Variants in PDHA2 observed in about 807,000 individuals in gnomAD.
The protein encoded by PDHA2 is pyruvate dehydrogenase E1 component subunit alpha, testis-specific form, mitochondrial.
For missense variants in PDHA2, 533 were observed against 495.8 expected (o/e 1.07, Z -0.71); for synonymous variants, 188 against 185.9 (o/e 1.01, Z -0.09).
In PDHA2 at chr4:95,840,146, A is replaced by T; in HGVS notation, c.-5A>T. On this transcript the variant is annotated 5_prime_UTR_variant, in exon 1 of 1. The change creates a new upstream start codon in the 5' untranslated region. Transcript: ENST00000295266. ...CGCTGCCATCTACAGCACTCCGTGA[A>T]GAATATGCTGGCCGCCTTCATCTCC... The T allele has an allele frequency of 6.2e-7, 1 of 1,601,630 alleles. No homozygotes were observed. The highest frequency in any genetic ancestry group is 2.2e-5 in the East Asian group (1 of 44,834).
Position 95,840,247 on chromosome 4 carries a change from A to G in PDHA2, c.97A>G (p.Thr33Ala), listed in dbSNP as rs1307483378. ...ATCCCGTAACTCCTCAAATGACGCT[A>G]CATTTGAAATTAAGAAATGTGATCT... ...VASRNSSNDA[T>A]FEIKKCDLYL... is the part of the protein sequence containing the mutation. Residue 33 changes from threonine to alanine, a missense_variant, in exon 1 of 1, where the codon ACA (threonine) becomes GCA (alanine). Physicochemically the swap from Thr to Ala is moderately conservative, Grantham distance 58 (BLOSUM62 0). Transcript: ENST00000295266. 1 of 1,614,070 alleles carries G rather than the reference A, an allele frequency of 6.2e-7. No homozygotes were observed.
chr4:95,840,552 A>G lies in PDHA2; in HGVS notation c.402A>G (p.Ala134=). 1.2e-6 allele frequency: 2 copies of G among 1,614,180 alleles called. No individual in the cohort carries two copies. The highest frequency in any genetic ancestry group is 2.2e-5 in the South Asian group (2 of 91,080). Residue 134 remains alanine, a synonymous_variant, in exon 1 of 1, where the codon GCA becomes GCG. Transcript: ENST00000295266. ...TRGLSVRSIL[A]ELTGRRGGCA... ...GACTTTCTGTCCGATCCATTCTCGC[A>G]GAGCTGACGGGAAGAAGAGGAGGTT...
rs1031905282 is a variant in PDHA2, at chr4:95,840,867, TTAC to T, written c.721_723del (p.Tyr241del). On this transcript the variant is annotated inframe_deletion, in exon 1 of 1. Transcript: ENST00000295266. ...CTGAGAGAGCAGCAGCCAGCCCTGA[TTAC>T]TACAAGAGGGGCAATTTTATCCCTG... 6 of 1,613,926 alleles carry T rather than the reference TTAC, an allele frequency of 3.7e-6. No individual in the cohort carries two copies. The Admixed American group carries it at 1.0e-4, about 27-fold the overall frequency.
rs1723517147 is a variant in PDHA2 at position 95,841,416 on chromosome 4, T to G, written c.*99T>G. The G allele has an allele frequency of 1.1e-6, 1 of 901,108 alleles. No homozygotes were observed. Among genetic ancestry groups the G allele is most frequent in the Non-Finnish European group, 1.7e-6 (1 of 576,696 alleles). 55.8% of individuals were successfully genotyped at this position (901,108 alleles called of 1,614,324 possible). A position where few individuals can be genotyped will look rare whatever the true frequency, so the allele number is the denominator to read the frequency against. On this transcript the variant is annotated 3_prime_UTR_variant, in exon 1 of 1. Coordinates refer to ENST00000295266, the MANE Select transcript of PDHA2 (RefSeq NM_005390.5). ...TCAACTCAAGGAGGAATAAAACTCATAAAACAAAAGCCTTGTAAGCATTTA... is the reference window on the plus strand; with the variant it reads ...TCAACTCAAGGAGGAATAAAACTCAGAAAACAAAAGCCTTGTAAGCATTTA...
In PDHA2 at chr4:95,841,330, T is replaced by C. The variant is rs758977427; in HGVS notation, c.*13T>C. Reference sequence around the variant, plus strand: ...GTCCGTCAGTTAAAGGGAGGCTACGTGTGAATTTATCATCAGTCTCTCAAT... The same window carrying C: ...GTCCGTCAGTTAAAGGGAGGCTACGCGTGAATTTATCATCAGTCTCTCAAT... On this transcript the variant is annotated 3_prime_UTR_variant, in exon 1 of 1. Coordinates refer to ENST00000295266, the MANE Select transcript of PDHA2 (RefSeq NM_005390.5). 1 of 1,598,866 alleles carries C rather than the reference T, an allele frequency of 6.3e-7. No homozygotes were observed. The highest frequency in any genetic ancestry group is 2.2e-5 in the East Asian group (1 of 44,750).
chr4:95,840,839 C>T lies in PDHA2; in HGVS notation c.689C>T (p.Ser230Phe). 1.2e-6 allele frequency: 2 copies of T among 1,613,998 alleles called. No individual in the cohort carries two copies. Among genetic ancestry groups the T allele is most frequent in the South Asian group, 1.1e-5 (1 of 91,084 alleles). Residue 230 changes from serine (S) to phenylalanine (F), a missense_variant, in exon 1 of 1, where the codon TCT (serine) becomes TTT (phenylalanine). Transcript: ENST00000295266. The part of the protein sequence containing the change: ...CENNLYGMGT[S>F]TERAAASPDY... ...AATAACCTATATGGAATGGGAACAT[C>T]TACTGAGAGAGCAGCAGCCAGCCCT...
chr4:95,840,764 C>A lies in PDHA2; in HGVS notation c.614C>A (p.Ala205Asp). The change falls in exon 1 of 1, where the codon GCT (alanine) becomes GAT (aspartate). Residue 205 changes from alanine (A) to aspartate (D), a missense_variant. By Grantham distance (126) the Ala-to-Asp change is moderately radical. Transcript: ENST00000295266. ...GAANQGQIAE[A>D]FNMAALWKLP... Reference sequence around the variant, plus strand: ...GCGAATCAGGGGCAGATAGCCGAAGCTTTCAATATGGCAGCTTTATGGAAA... The same window carrying A: ...GCGAATCAGGGGCAGATAGCCGAAGATTTCAATATGGCAGCTTTATGGAAA... The A allele has an allele frequency of 6.2e-7, 1 of 1,614,152 alleles. No individual in the cohort carries two copies. The highest frequency in any genetic ancestry group is 8.5e-7 in the Non-Finnish European group (1 of 1,180,020).
At position 95,840,627 on chromosome 4, in the gene PDHA2, T is replaced by TGGGGGCA; in HGVS notation, c.478_484dup (p.Asn162ArgfsTer21). On this transcript the variant is annotated frameshift_variant, in exon 1 of 1. Transcript: ENST00000295266. LOFTEE classifies it low-confidence loss of function (END_TRUNC). ...TGCATATGTATACCAAGAACTTCTATGGGGGCAATGGCATCGTCGGTGCAC... is the reference window on the plus strand; with the variant it reads ...TGCATATGTATACCAAGAACTTCTATGGGGGCAGGGGGCAATGGCATCGTCGGTGCAC... The TGGGGGCA allele has an allele frequency of 6.2e-7, 1 of 1,614,170 alleles. No individual in the cohort carries two copies.
At position 95,840,595 on chromosome 4, in the gene PDHA2, G is replaced by C. The variant is rs1314078992; in HGVS notation, c.445G>C (p.Gly149Arg). 6.2e-7 allele frequency: 1 copy of C among 1,614,076 alleles called. No individual in the cohort carries two copies. Among genetic ancestry groups the C allele is most frequent in the African/African-American group, 1.3e-5 (1 of 74,926 alleles). ...AGGAGGTTGTGCTAAAGGAAAAGGA[G>C]GATCGATGCATATGTATACCAAGAA... ...RRGGCAKGKG[G>R]SMHMYTKNFY... Residue 149 changes from glycine to arginine, a missense_variant, in exon 1 of 1, where the codon GGA (glycine) becomes CGA (arginine). By Grantham distance (125) the Gly-to-Arg change is moderately radical. Transcript: ENST00000295266.
chr4:95,841,341 C>G lies in PDHA2; in HGVS notation c.*24C>G. 6.4e-7 allele frequency: 1 copy of G among 1,565,426 alleles called. No homozygotes were observed. Among genetic ancestry groups the G allele is most frequent in the South Asian group, 1.1e-5 (1 of 90,038 alleles). On this transcript the variant is annotated 3_prime_UTR_variant, in exon 1 of 1. Coordinates refer to ENST00000295266, the MANE Select transcript of PDHA2 (RefSeq NM_005390.5). ...AAAGGGAGGCTACGTGTGAATTTATCATCAGTCTCTCAATGGAATGTTCAT... is the reference window on the plus strand; with the variant it reads ...AAAGGGAGGCTACGTGTGAATTTATGATCAGTCTCTCAATGGAATGTTCAT...
rs1343787908 is a variant in PDHA2, at chr4:95,840,281, TG to T, written c.133del (p.Glu45LysfsTer21). 1 of 1,614,258 alleles carries T rather than the reference TG, an allele frequency of 6.2e-7. No homozygotes were observed. Among genetic ancestry groups the T allele is most frequent in the East Asian group, 2.2e-5 (1 of 44,870 alleles). Reference protein sequence around the residue: ...FEIKKCDLYLLEEGPPVTTVL... With the variant: ...FEIKKCDLYLXEEGPPVTTVL... Reference sequence around the variant, plus strand: ...ATTAAGAAATGTGATCTTTATCTGTTGGAAGAGGGTCCCCCTGTCACTACAG... The same window carrying T: ...ATTAAGAAATGTGATCTTTATCTGTTGAAGAGGGTCCCCCTGTCACTACAG... On this transcript the variant is annotated frameshift_variant, in exon 1 of 1. Coordinates refer to ENST00000295266, the MANE Select transcript of PDHA2 (RefSeq NM_005390.5). LOFTEE classifies it low-confidence loss of function (END_TRUNC).
At position 95,841,290 on chromosome 4, in the gene PDHA2, A is replaced by C; in HGVS notation, c.1140A>C (p.Pro380=). The C allele has an allele frequency of 1.2e-6, 2 of 1,614,094 alleles. No homozygotes were observed. Among genetic ancestry groups the C allele is most frequent in the Non-Finnish European group, 1.7e-6 (2 of 1,179,948 alleles). ...CTTTTGAAGTTCGTGGTGCAAATCC[A>C]TGGATCAAGTTTAAGTCCGTCAGTT... ...DSSFEVRGAN[P]WIKFKSVS The change falls in exon 1 of 1, where the codon CCA becomes CCC. Residue 380 remains proline, a synonymous_variant. Transcript: ENST00000295266.
In PDHA2 at chr4:95,840,808, T is replaced by A. The variant is rs1723494776; in HGVS notation, c.658T>A (p.Cys220Ser). The change falls in exon 1 of 1, where the codon TGT becomes AGT. Residue 220 changes from cysteine to serine, a missense_variant. Physicochemically the swap from Cys to Ser is moderately radical, Grantham distance 112 (BLOSUM62 -1). Coordinates refer to ENST00000295266, the MANE Select transcript of PDHA2 (RefSeq NM_005390.5). ...ALWKLPCVFI[C>S]ENNLYGMGTS... ...ATGGAAATTACCTTGTGTTTTCATC[T>A]GTGAGAATAACCTATATGGAATGGG... 1.2e-6 allele frequency: 2 copies of A among 1,614,190 alleles called. No homozygotes were observed. Among genetic ancestry groups the A allele is most frequent in the Non-Finnish European group, 1.7e-6 (2 of 1,180,030 alleles).
rs1723506990 is a variant in PDHA2 at position 95,841,090 on chromosome 4, C to A, written c.940C>A (p.Pro314Thr). ...EIQEVRSKRD[P>T]IIILQDRMVN... ...TCAGGAAGTAAGAAGTAAGAGGGAT[C>A]CTATAATAATTCTCCAAGATAGAAT... Residue 314 changes from proline (P) to threonine (T), a missense_variant, in exon 1 of 1, where the codon CCT becomes ACT. Physicochemically the swap from Pro to Thr is conservative, Grantham distance 38 (BLOSUM62 -1). Coordinates refer to ENST00000295266, the MANE Select transcript of PDHA2 (RefSeq NM_005390.5). 1 of 1,613,830 alleles carries A rather than the reference C, an allele frequency of 6.2e-7. No individual in the cohort carries two copies. The highest frequency in any genetic ancestry group is 8.5e-7 in the Non-Finnish European group (1 of 1,179,928).
At position 95,841,054 on chromosome 4, in the gene PDHA2, C is replaced by G; in HGVS notation, c.904C>G (p.Arg302Gly). The change falls in exon 1 of 1, where the codon CGA (arginine) becomes GGA (glycine). Residue 302 changes from arginine (R) to glycine (G), a missense_variant. Coordinates refer to ENST00000295266, the MANE Select transcript of PDHA2 (RefSeq NM_005390.5). ...TGATCCTGGAGTCAGTTATCGTACA[C>G]GAGAAGAAATTCAGGAAGTAAGAAG... ...MSDPGVSYRT[R>G]EEIQEVRSKR... 1 of 1,613,954 alleles carries G rather than the reference C, an allele frequency of 6.2e-7. No individual in the cohort carries two copies. The highest frequency in any genetic ancestry group is 8.5e-7 in the Non-Finnish European group (1 of 1,179,992).
Position 95,841,048 on chromosome 4 carries a change from CGTACACGA to C in PDHA2, c.900_907del (p.Thr301ArgfsTer8). Reference sequence around the variant, plus strand: ...TATGAGTGATCCTGGAGTCAGTTATCGTACACGAGAAGAAATTCAGGAAGTAAGAAGTA... The same window carrying C: ...TATGAGTGATCCTGGAGTCAGTTATCGAAGAAATTCAGGAAGTAAGAAGTA... On this transcript the variant is annotated frameshift_variant, in exon 1 of 1. Transcript: ENST00000295266. LOFTEE classifies it low-confidence loss of function (END_TRUNC). The C allele has an allele frequency of 6.2e-7, 1 of 1,614,032 alleles. No homozygotes were observed.
Position 95,840,614 on chromosome 4 carries a change from C to G in PDHA2, c.464C>G (p.Thr155Ser). 1 of 1,614,168 alleles carries G rather than the reference C, an allele frequency of 6.2e-7. No homozygotes were observed. Among genetic ancestry groups the G allele is most frequent in the Non-Finnish European group, 8.5e-7 (1 of 1,180,042 alleles). ...AAAGGAGGATCGATGCATATGTATA[C>G]CAAGAACTTCTATGGGGGCAATGGC... is the stretch of plus-strand genomic sequence containing the variant. ...KGKGGSMHMY[T>S]KNFYGGNGIV... The change falls in exon 1 of 1, where the codon ACC becomes AGC. Residue 155 changes from threonine (T) to serine (S), a missense_variant. By Grantham distance (58) the Thr-to-Ser change is moderately conservative. Transcript: ENST00000295266.
At position 95,840,238 on chromosome 4, in the gene PDHA2, A is replaced by C. The variant is rs978722765; in HGVS notation, c.88A>C (p.Asn30His). 8 of 1,614,222 alleles carry C rather than the reference A, an allele frequency of 5.0e-6. No individual in the cohort carries two copies. Among genetic ancestry groups the C allele is most frequent in the Non-Finnish European group, 6.8e-6 (8 of 1,180,042 alleles). Residue 30 changes from asparagine (N) to histidine (H), a missense_variant, in exon 1 of 1, where the codon AAT (asparagine) becomes CAT (histidine). By Grantham distance (68) the Asn-to-His change is moderately conservative. Coordinates refer to ENST00000295266, the MANE Select transcript of PDHA2 (RefSeq NM_005390.5). ...RVLVASRNSS[N>H]DATFEIKKCD... ...GCTGGTGGCATCCCGTAACTCCTCA[A>C]ATGACGCTACATTTGAAATTAAGAA...
At position 95,840,102 on chromosome 4, in the gene PDHA2, G is replaced by A. The variant is rs991696957; in HGVS notation, c.-49G>A. On this transcript the variant is annotated 5_prime_UTR_variant, in exon 1 of 1. Coordinates refer to ENST00000295266, the MANE Select transcript of PDHA2 (RefSeq NM_005390.5). ...ACGCGGAGCCGAGGCCAGGCCTTCC[G>A]GCGGTCGTTACGGGACGCCGCTGCC... 4 of 1,498,416 alleles carry A rather than the reference G, an allele frequency of 2.7e-6. No individual in the cohort carries two copies. The highest frequency in any genetic ancestry group is 3.9e-5 in the Admixed American group (2 of 51,038). 92.8% of individuals were successfully genotyped at this position (1,498,416 alleles called of 1,614,324 possible). A position where few individuals can be genotyped will look rare whatever the true frequency, so the allele number is the denominator to read the frequency against.
Sources: allele counts gnomAD v4.1 joint callset, GRCh38; gene constraint gnomAD v4.1.1; transcripts MANE v1.5; gene names NCBI Gene and HGNC (gene_info 2026-07-23, HGNC 2026-07-21).